The following RTTN variants were observed in gnomAD, a reference collection of about 807,000 sequenced individuals.
RTTN encodes the protein rotatin.
RTTN carries 182 observed loss-of-function variants against 269.2 expected under a neutral mutation model. That is an observed-to-expected ratio of 0.68 (90% CI 0.60 to 0.76). The LOEUF (loss-of-function observed/expected upper bound fraction) is 0.76, where lower values mean the gene tolerates loss of function less well. Ranked by LOEUF, RTTN falls within the 30% of genes least tolerant of loss-of-function variation. The pLI is 0.00. For missense variants in RTTN, 2,545 were observed against 2,608.6 expected (o/e 0.98, Z 0.53); for synonymous variants, 1,006 against 963.5 (o/e 1.04, Z -0.82).
chr18:70,020,167 A>G (rs1015583118), intron 45 of RTTN, among the ~76,000 whole-genome samples: 1 of 152,208 alleles, frequency 6.6e-6, no homozygotes, highest in African/African-American at 2.4e-5. Flanking sequence ...AACTCATAAA[A>G]TTGCTTAACA....
At chr18:70,040,315 T>C (rs888250987) in intron 40 of RTTN, among the ~76,000 whole-genome samples, 36 of 133,612 alleles carry the variant, frequency 2.7e-4, no homozygotes, top group African/African-American at 8.5e-4. Context: ...AAAAAAAAAA[T>C]TGGGAGTAGC....
intron 32 of RTTN, among the ~76,000 whole-genome samples, chr18:70,084,623 C>CAA (rs541352854): frequency 3.9e-5 from 5 of 127,518 alleles, no homozygotes; most frequent in South Asian, 5.0e-4. Flanking sequence ...CAAAAATAAC[C>CAA]AAAAAAAAAA....
At position 70,168,932 on chromosome 18, in the gene RTTN, T is replaced by C. The variant is rs1315610189; in HGVS notation, c.1612A>G (p.Ser538Gly). Residue 538 changes from serine (S) to glycine (G), a missense_variant, in exon 12 of 49, where the codon AGT (serine) becomes GGT (glycine). Ser to Gly is a moderately conservative substitution (Grantham distance 56). Transcript: ENST00000640769. ...YLEQLNSENY[S>G]IYKRTAEAVY... ...GCCTCTGCAGTTCGTTTATAAATACTGTAGTTTTCAGAATTCAGCTGTTCC... is the reference window on the plus strand; with the variant it reads ...GCCTCTGCAGTTCGTTTATAAATACCGTAGTTTTCAGAATTCAGCTGTTCC... 1.2e-6 allele frequency: 2 copies of C among 1,613,510 alleles called. No individual in the cohort carries two copies. The highest frequency in any genetic ancestry group is 1.7e-6 in the Non-Finnish European group (2 of 1,179,780).
At chr18:70,024,327 T>G (rs1473846170) in intron 44 of RTTN, among the ~76,000 whole-genome samples, 10 of 152,196 alleles carry the variant, frequency 6.6e-5, no homozygotes, top group Admixed American at 6.5e-4. Flanking sequence ...ATATCAAGTA[T>G]CACCAGACCA....
At chr18:70,137,682 A>C (rs1204134374) in intron 21 of RTTN, among the ~76,000 whole-genome samples, 1 of 152,106 alleles carries the variant, frequency 6.6e-6, no homozygotes, top group East Asian at 1.9e-4. Context: ...GCCTATTTGA[A>C]CTCCTACTCA....
rs1017141385 is a variant in RTTN, at chr18:70,171,645, C to G, written c.1477-2578G>C. 5.3e-5 allele frequency among the ~76,000 whole-genome samples: 8 copies of G among 152,140 alleles called. 1 individual carries two copies. The highest frequency in any genetic ancestry group is 1.9e-4 in the African/African-American group (8 of 41,438). ...AAGCATTAGTCACATGCCATCAGAA[C>G]TAAAAGTGAAGATGTTTCAGTGCAA... On this transcript the variant is annotated intron_variant, in intron 11 of 48. Coordinates refer to ENST00000640769, the MANE Select transcript of RTTN (RefSeq NM_173630.4).
At position 70,114,545 on chromosome 18, in the gene RTTN, C is replaced by G. The variant is rs1256834504; in HGVS notation, c.3583G>C (p.Glu1195Gln). The change falls in exon 27 of 49, where the codon GAA becomes CAA. Residue 1195 changes from glutamate to glutamine, a missense_variant. Glu to Gln is a conservative substitution (Grantham distance 29). Transcript: ENST00000640769. ...ACAGCAGTCCGGATATCATCTGTTT[C>G]TTCTCGTGCCTGTGACTCTGTCAGA... is the stretch of plus-strand genomic sequence containing the variant. ...LVLTESQARE[E>Q]TDDIRTAVRQ... The G allele has an allele frequency of 1.9e-6, 3 of 1,613,538 alleles. No individual in the cohort carries two copies. Among genetic ancestry groups the G allele is most frequent in the African/African-American group, 2.7e-5 (2 of 74,900 alleles).
chr18:70,083,277 C>T (rs2058619740), intron 32 of RTTN, among the ~76,000 whole-genome samples: 1 of 152,072 alleles, frequency 6.6e-6, no homozygotes, highest in African/African-American at 2.4e-5. Context: ...TAAAAGGGGA[C>T]TTATGCTATG....
chr18:70,134,410 T>C, intron 23 of RTTN, 63 bp downstream of exon 23: 3 of 1,230,772 alleles, frequency 2.4e-6, no homozygotes, highest in African/African-American at 1.5e-5. Flanking sequence ...ATTATAGATT[T>C]TGATTTCCCT....
At chr18:70,066,716 GT>G (rs1568324558) in intron 34 of RTTN, among the ~76,000 whole-genome samples, 1 of 152,116 alleles carries the variant, frequency 6.6e-6, no homozygotes, top group Non-Finnish European at 1.5e-5. Flanking sequence ...ATCCATAGAA[GT>G]TATAAACCAT....
intron 10 of RTTN, among the ~76,000 whole-genome samples, chr18:70,180,994 G>A (rs2061410673): frequency 6.6e-6 from 1 of 152,152 alleles, no homozygotes; most frequent in Non-Finnish European, 1.5e-5. Context: ...TGGAATGGTG[G>A]CAGCAGCAGG....
At chr18:70,028,540 G>A (rs551202101) in intron 43 of RTTN, among the ~76,000 whole-genome samples, 184 bp downstream of exon 43, 7 of 152,198 alleles carry the variant, frequency 4.6e-5, no homozygotes, top group East Asian at 1.9e-4. Context: ...AATCAGTGTC[G>A]ATGAATAATG....
intron 40 of RTTN, among the ~76,000 whole-genome samples, chr18:70,040,622 G>A (rs147784523): frequency 3.2e-4 from 48 of 152,242 alleles, no homozygotes; most frequent in African/African-American, 1.0e-3. Context: ...AAGACCAAAC[G>A]GACCTAATAG....
chr18:70,009,076 C>G (rs1450215321), intron 46 of RTTN: 1 of 152,222 alleles, frequency 6.6e-6, no homozygotes, highest in South Asian at 2.1e-4. Context: ...CTGCAGAAAT[C>G]CTATAAGCCA....
At chr18:70,169,817 A>T (rs2061090398) in intron 11 of RTTN, among the ~76,000 whole-genome samples, 1 of 152,198 alleles carries the variant, frequency 6.6e-6, no homozygotes, top group African/African-American at 2.4e-5. Flanking sequence ...AGGACTAAAA[A>T]TTTGACGTTC....
rs763900921 is a variant in RTTN, at chr18:70,057,839, C to T, written c.4941-7G>A. 2.1e-5 allele frequency: 34 copies of T among 1,603,290 alleles called. No homozygotes were observed. Among genetic ancestry groups the T allele is most frequent in the South Asian group, 5.5e-5 (5 of 90,122 alleles). ...GAGGGTAGCATCTGCAATGCTGTGACGATCAGAAAAAGAAAATCCTTCAGA... is the reference window on the plus strand; with the variant it reads ...GAGGGTAGCATCTGCAATGCTGTGATGATCAGAAAAAGAAAATCCTTCAGA... On this transcript the variant is annotated splice_polypyrimidine_tract_variant and splice_region_variant and intron_variant, in intron 36 of 48. Transcript: ENST00000640769.
chr18:70,092,090 T>A lies in RTTN; in HGVS notation c.4143+20A>T. 1 of 1,502,900 alleles carries A rather than the reference T, an allele frequency of 6.7e-7. No homozygotes were observed. The highest frequency in any genetic ancestry group is 9.3e-7 in the Non-Finnish European group (1 of 1,080,104). The allele number at this position is 1,502,900 out of a possible 1,614,324, so 93.1% of individuals were successfully genotyped here. ...TTTTTTAATCTAAACACAATACACT[T>A]GATTCTCCTTCACACTCACCTCTGG... On this transcript the variant is annotated intron_variant, in intron 30 of 48. Coordinates refer to ENST00000640769, the MANE Select transcript of RTTN (RefSeq NM_173630.4).
chr18:70,182,135 T>C (rs1171222857), intron 10 of RTTN, among the ~76,000 whole-genome samples: 1 of 152,140 alleles, frequency 6.6e-6, no homozygotes, highest in African/African-American at 2.4e-5. Flanking sequence ...CCTTAAGGAC[T>C]AAAGAAAAAC....
intron 35 of RTTN, among the ~76,000 whole-genome samples, chr18:70,063,126 TG>T (rs376114236): frequency 2.2e-4 from 34 of 152,296 alleles, no homozygotes; most frequent in African/African-American, 8.2e-4. Flanking sequence ...TTCCTAGAAG[TG>T]GAATTGTTTA....
Sources: gnomAD v4.1 joint callset for allele counts (sites outside exome capture counted in the v4.1 genomes callset) on GRCh38, gnomAD v4.1.1 for gene constraint, MANE v1.5 for transcripts, NCBI Gene and HGNC (gene_info 2026-07-23, HGNC 2026-07-21) for gene names.